The following SPATA6 variants were observed in gnomAD, a reference collection of about 807,000 sequenced individuals.
SPATA6 encodes spermatogenesis-associated protein 6.
In SPATA6, 56 loss-of-function variants were observed where a neutral mutation model predicts 65.3. The observed-to-expected ratio is 0.86, with a 90% confidence interval of 0.69 to 1.07. The LOEUF (loss-of-function observed/expected upper bound fraction) is 1.07, where lower values mean the gene tolerates loss of function less well. Among genes scored for constraint, SPATA6 ranks in the 50% least tolerant of loss-of-function variants. The pLI is 0.00. For missense variants in SPATA6, 590 were observed against 594.8 expected (o/e 0.99, Z 0.08); for synonymous variants, 199 against 213.2 (o/e 0.93, Z 0.58).
At chr1:48,312,892 T>A (rs1645265504) in intron 11 of SPATA6, among the ~76,000 whole-genome samples, 1 of 152,026 alleles carries the variant, frequency 6.6e-6, no homozygotes, top group Non-Finnish European at 1.5e-5. Context: ...GAGACAAACG[T>A]GACGAATGCA....
In SPATA6 at chr1:48,460,064, G is replaced by A. The variant is rs1028998174; in HGVS notation, c.52-6933C>T. Among the ~76,000 whole-genome samples the A allele has an allele frequency of 3.3e-5, 5 of 151,994 alleles. No homozygotes were observed. In the South Asian group the frequency reaches 1.0e-3, roughly 32 times the overall value. On this transcript the variant is annotated intron_variant, in intron 1 of 12. Coordinates refer to ENST00000371847, the MANE Select transcript of SPATA6 (RefSeq NM_019073.4). ...TAGCTCACTGCAGCCTCAAACTCCT[G>A]GGCTCCAGGAATCCTCTCACCTCAA...
intron 10 of SPATA6, among the ~76,000 whole-genome samples, chr1:48,357,445 T>G (rs1646691048): frequency 6.6e-6 from 1 of 152,090 alleles, no homozygotes; most frequent in Admixed American, 6.6e-5. Flanking sequence ...TAAAAATCTG[T>G]TTATATACAT....
chr1:48,345,468 C>G (rs1646337962), intron 11 of SPATA6, among the ~76,000 whole-genome samples: 1 of 152,046 alleles, frequency 6.6e-6, no homozygotes, highest in Non-Finnish European at 1.5e-5. Context: ...ATTCCCAAAG[C>G]AGGCAGAAGA....
the SPATA6 span, chr1:48,262,660 T>C: frequency 6.6e-6 from 1 of 152,146 alleles, no homozygotes; most frequent in Non-Finnish European, 1.5e-5. Flanking sequence ...AATGCTAAAA[T>C]AGTAGGATAC....
At chr1:48,340,279 A>G (rs1281195057) in intron 11 of SPATA6, among the ~76,000 whole-genome samples, 2 of 141,086 alleles carry the variant, frequency 1.4e-5, no homozygotes, top group East Asian at 4.3e-4. Flanking sequence ...AAATACAGAG[A>G]ATTTTCCATG....
At chr1:48,402,785 T>C (rs141440084) in intron 6 of SPATA6, 97 of 152,242 alleles carry the variant, frequency 6.4e-4, no homozygotes, top group African/African-American at 2.3e-3. Flanking sequence ...CACAGATAGG[T>C]CACTGTTACC....
chr1:48,366,690 T>G (rs192907969), intron 9 of SPATA6, among the ~76,000 whole-genome samples: 1 of 152,338 alleles, frequency 6.6e-6, no homozygotes, highest in East Asian at 1.9e-4. Context: ...CTCTCTTTTC[T>G]TCTTTATTAA....
intron 9 of SPATA6, among the ~76,000 whole-genome samples, chr1:48,379,819 A>G (rs551970731): frequency 9.2e-5 from 14 of 152,352 alleles, no homozygotes; most frequent in African/African-American, 3.4e-4. Context: ...TACGCTTTAC[A>G]TGCATGATAG....
chr1:48,327,226 C>T (rs1645789379), intron 11 of SPATA6, among the ~76,000 whole-genome samples: 1 of 152,070 alleles, frequency 6.6e-6, no homozygotes, highest in South Asian at 2.1e-4. Flanking sequence ...ATAAAAGCGG[C>T]TAACAAACAC....
intron 2 of SPATA6, among the ~76,000 whole-genome samples, chr1:48,452,697 C>A (rs1656686898): frequency 6.6e-6 from 1 of 152,136 alleles, no homozygotes; most frequent in African/African-American, 2.4e-5. Flanking sequence ...ATATTCTTAT[C>A]TATTAATGAC....
chr1:48,290,773 GATCAA>G (rs1283344179), downstream of SPATA6, among the ~76,000 whole-genome samples: 1 of 152,072 alleles, frequency 6.6e-6, no homozygotes, highest in Non-Finnish European at 1.5e-5. Context: ...ATGGTAAAGG[GATCAA>G]TTCAACAAGA....
intron 12 of SPATA6, among the ~76,000 whole-genome samples, chr1:48,301,528 A>T (rs1644937639): frequency 6.6e-6 from 1 of 151,414 alleles, no homozygotes; most frequent in Admixed American, 6.6e-5. Context: ...TTTATTTGGA[A>T]CCACACACAC....
At chr1:48,347,828 G>C (rs1212632881) in intron 11 of SPATA6, among the ~76,000 whole-genome samples, 1 of 152,042 alleles carries the variant, frequency 6.6e-6, no homozygotes, top group Non-Finnish European at 1.5e-5. Flanking sequence ...TCCACACCAA[G>C]GAACTGACTC....
chr1:48,426,053 G>C (rs554115387), intron 3 of SPATA6, among the ~76,000 whole-genome samples: 1 of 152,282 alleles, frequency 6.6e-6, no homozygotes, highest in East Asian at 1.9e-4. Context: ...AAGCCACAGA[G>C]TGGGACAAGA....
chr1:48,331,278 A>G (rs1485879612), intron 11 of SPATA6, among the ~76,000 whole-genome samples: 2 of 152,100 alleles, frequency 1.3e-5, no homozygotes, highest in Non-Finnish European at 2.9e-5. Context: ...AGAAATGAAG[A>G]TCGTCGAGAT....
intron 3 of SPATA6, among the ~76,000 whole-genome samples, chr1:48,421,662 T>C (rs1001959167): frequency 2.0e-5 from 3 of 151,774 alleles, no homozygotes; most frequent in Non-Finnish European, 4.4e-5. Context: ...AACCCCACCT[T>C]CCCTTAAAAA....
rs1187000949 is a variant in SPATA6 at position 48,298,700 on chromosome 1, A to C, written c.*13T>G. 2 of 1,606,876 alleles carry C rather than the reference A, an allele frequency of 1.2e-6. No homozygotes were observed. Among genetic ancestry groups the C allele is most frequent in the Non-Finnish European group, 1.7e-6 (2 of 1,176,266 alleles). On this transcript the variant is annotated 3_prime_UTR_variant, in exon 13 of 13. Transcript: ENST00000371847. ...ATTGACACGGACACTAATGAGGTTTATCATGGATGGTCTCAGAAGCTTTCC... is the reference window on the plus strand; with the variant it reads ...ATTGACACGGACACTAATGAGGTTTCTCATGGATGGTCTCAGAAGCTTTCC...
At chr1:48,419,895 T>A (rs1653158778) in intron 3 of SPATA6, among the ~76,000 whole-genome samples, 2 of 152,200 alleles carry the variant, frequency 1.3e-5, no homozygotes, top group Non-Finnish European at 2.9e-5. Flanking sequence ...ATGGTACTGA[T>A]TTGAAGGTCA....
At chr1:48,352,581 G>C (rs1326723374) in intron 11 of SPATA6, among the ~76,000 whole-genome samples, 3 of 151,974 alleles carry the variant, frequency 2.0e-5, no homozygotes, top group African/African-American at 7.2e-5. Flanking sequence ...AGATACATAT[G>C]AGACACATTT....
Sources: allele counts gnomAD v4.1 joint callset (sites outside exome capture counted in the v4.1 genomes callset), GRCh38; gene constraint gnomAD v4.1.1; transcripts MANE v1.5; gene names NCBI Gene and HGNC (gene_info 2026-07-23, HGNC 2026-07-21).